AKT1S1: variants seen among roughly 807,000 people sequenced by gnomAD.
The protein encoded by AKT1S1 is AKT1 substrate 1, also known as proline-rich AKT1 substrate 1.
In AKT1S1, 17 loss-of-function variants were observed where a neutral mutation model predicts 21.2. The ratio of observed to expected loss-of-function variants is 0.80; its 90% CI spans 0.55 to 1.20. The LOEUF (loss-of-function observed/expected upper bound fraction) is 1.20, where lower values mean the gene tolerates loss of function less well. AKT1S1 is among the 50% of genes most tolerant of loss of function. The probability of loss-of-function intolerance (pLI) is 0.00; values close to 1 mark genes in which losing one functional copy is unlikely to be tolerated. For missense variants in AKT1S1, 366 were observed against 368.3 expected (o/e 0.99, Z 0.05); for synonymous variants, 181 against 165.6 (o/e 1.09, Z -0.72).
chr19:49,869,533 G>A lies in AKT1S1; in HGVS notation c.*384C>T. Reference sequence around the variant, plus strand: ...TGGTCAAGCCCTTTACAGGATTTGAGCCAATCAAAAAAAGAGCTGTCCAGC... The same window carrying A: ...TGGTCAAGCCCTTTACAGGATTTGAACCAATCAAAAAAAGAGCTGTCCAGC... On this transcript the variant is annotated 3_prime_UTR_variant, in exon 5 of 5. Coordinates refer to ENST00000344175, the MANE Select transcript of AKT1S1 (RefSeq NM_001098633.4). The A allele has an allele frequency of 5.8e-6, 1 of 171,154 alleles. No homozygotes were observed. 10.6% of individuals were successfully genotyped at this position (171,154 alleles called of 1,614,324 possible).
intron 1 of AKT1S1, chr19:49,875,989 C>A (rs1004314403): frequency 1.0e-6 from 1 of 985,350 alleles, no homozygotes; most frequent in Middle Eastern, 5.2e-4. Context: ...GAAAGTGAGA[C>A]GTGTTCCCCA....
At chr19:49,877,817 AGGCCTTGGCTCTCGAGAATCCGGCAC>A, upstream of AKT1S1, 2 of 1,506,150 alleles carry the variant, frequency 1.3e-6, no homozygotes, top group South Asian at 2.4e-5. Context: ...CTCTTCTCTC[AGGCCTTGGCTCTCGAGAATCCGGCAC>A]GGCCTTGGCA....
chr19:49,876,328 C>T (rs1296617271), intron 1 of AKT1S1: 17 of 1,212,470 alleles, frequency 1.4e-5, no homozygotes, highest in African/African-American at 1.6e-5. Flanking sequence ...CAAACCATCC[C>T]CCGACCCCGT....
chr19:49,872,647 G>A (rs2074896848), intron 2 of AKT1S1, among the ~76,000 whole-genome samples: 1 of 152,156 alleles, frequency 6.6e-6, no homozygotes, highest in Non-Finnish European at 1.5e-5. Flanking sequence ...TAGACCGGGA[G>A]CCCCTTGAGA....
At chr19:49,877,828 C>G (rs2074969123), upstream of AKT1S1, 1 of 1,468,272 alleles carries the variant, frequency 6.8e-7, no homozygotes. Flanking sequence ...GGCCTTGGCT[C>G]TCGAGAATCC....
rs535734926 is a variant in AKT1S1 at position 49,870,845 on chromosome 19, G to C, written c.627+702C>G. 3.3e-5 allele frequency among the ~76,000 whole-genome samples: 5 copies of C among 152,308 alleles called. No homozygotes were observed. The East Asian group carries it at 9.6e-4, about 29-fold the overall frequency. ...CCCGCCCGCACCAGGCCCTGTTCCTGGTCTTCAGTGCTCACTGCTTCATTG... is the reference window on the plus strand; with the variant it reads ...CCCGCCCGCACCAGGCCCTGTTCCTCGTCTTCAGTGCTCACTGCTTCATTG... On this transcript the variant is annotated intron_variant, in intron 4 of 4. Coordinates refer to ENST00000344175, the MANE Select transcript of AKT1S1 (RefSeq NM_001098633.4).
chr19:49,874,064 G>C (rs1423122352), intron 1 of AKT1S1: 1 of 152,356 alleles, frequency 6.6e-6, no homozygotes, highest in African/African-American at 2.4e-5. Context: ...CCAGCTCCTG[G>C]GCCATCCTGC....
At chr19:49,870,386 G>T (rs1256996809) in intron 4 of AKT1S1, among the ~76,000 whole-genome samples, 4 of 152,182 alleles carry the variant, frequency 2.6e-5, no homozygotes, top group Non-Finnish European at 4.4e-5. Flanking sequence ...CATGTCTGAG[G>T]ATCTGGGCTG....
At chr19:49,875,984 T>C in intron 1 of AKT1S1, 1 of 985,108 alleles carries the variant, frequency 1.0e-6, no homozygotes, top group Non-Finnish European at 1.2e-6. Context: ...TAGAGGAAAG[T>C]GAGACGTGTT....
intron 4 of AKT1S1, among the ~76,000 whole-genome samples, chr19:49,871,112 G>A (rs2074878601): frequency 6.6e-6 from 1 of 152,154 alleles, no homozygotes; most frequent in Admixed American, 6.5e-5. Context: ...ACCCACCTAG[G>A]CCAGCAGAGC....
Position 49,869,765 on chromosome 19 carries a change from G to T in AKT1S1, c.*152C>A. 1.1e-6 allele frequency: 1 copy of T among 934,318 alleles called. No homozygotes were observed. Among genetic ancestry groups the T allele is most frequent in the Non-Finnish European group, 1.5e-6 (1 of 676,294 alleles). 57.9% of individuals were successfully genotyped at this position (934,318 alleles called of 1,614,324 possible). ...GCGGCAGGTCGTGGGCTGGAAGGAC[G>T]GCGGGGATTGGCAGAGGCGGGACAA... On this transcript the variant is annotated 3_prime_UTR_variant, in exon 5 of 5. Transcript: ENST00000344175.
At chr19:49,872,643 G>A (rs1012616299) in intron 2 of AKT1S1, among the ~76,000 whole-genome samples, 2 of 152,144 alleles carry the variant, frequency 1.3e-5, no homozygotes, top group East Asian at 1.9e-4. Flanking sequence ...TGGCTAGACC[G>A]GGAGCCCCTT....
chr19:49,877,894 A>G (rs2074970290), upstream of AKT1S1: 1 of 1,004,676 alleles, frequency 1.0e-6, no homozygotes, highest in Non-Finnish European at 1.4e-6. Flanking sequence ...CCTCCCGTCC[A>G]CCGCCCCAGG....
At position 49,871,813 on chromosome 19, in the gene AKT1S1, A is replaced by G. The variant is rs183281002; in HGVS notation, c.456T>C (p.Asp152=). 2.6e-4 allele frequency: 413 copies of G among 1,611,436 alleles called. 4 individuals carry two copies. The East Asian group carries it at 8.4e-3, about 33-fold the overall frequency. Residue 152 remains aspartate (D), a splice_region_variant and synonymous_variant, in exon 3 of 5, where the codon GAT becomes GAC. Coordinates refer to ENST00000344175, the MANE Select transcript of AKT1S1 (RefSeq NM_001098633.4). ...PFCESDPEST[D]DGSLSEETPA... ...AGGGGAACAGCCTGGGACACTCACCATCTGTACTCTCGGGGTCTGACTCAC... is the reference window on the plus strand; with the variant it reads ...AGGGGAACAGCCTGGGACACTCACCGTCTGTACTCTCGGGGTCTGACTCAC...
At chr19:49,876,634 C>A in intron 1 of AKT1S1, 2 of 1,530,766 alleles carry the variant, frequency 1.3e-6, no homozygotes. Context: ...GGCCCGGCGC[C>A]GTCACCGCCC....
At position 49,873,502 on chromosome 19, in the gene AKT1S1, C is replaced by T. The variant is rs183578189; in HGVS notation, c.-7-200G>A. On this transcript the variant is annotated intron_variant, in intron 1 of 4. Transcript: ENST00000344175. The surrounding 1 kb of genome is among the most constrained non-coding windows in gnomAD (Gnocchi z 6.9). ...TCCTCGCAGGCCCAGACCCTGGCGA[C>T]GTCCTCTGCCCCAACCCATTCCTCC... is the stretch of plus-strand genomic sequence containing the variant. The T allele has an allele frequency of 1.1e-4, 106 of 996,262 alleles. 1 individual carries two copies. In the Admixed American group the frequency reaches 3.3e-3, roughly 31 times the overall value. 61.7% of individuals were successfully genotyped at this position (996,262 alleles called of 1,614,324 possible).
chr19:49,877,621 C>A, upstream of AKT1S1: 1 of 1,352,732 alleles, frequency 7.4e-7, no homozygotes, highest in Non-Finnish European at 1.0e-6. Context: ...CGGGTCGGGC[C>A]GCTACCACTG....
intron 4 of AKT1S1, among the ~76,000 whole-genome samples, chr19:49,870,938 G>C (rs539088021): frequency 6.6e-6 from 1 of 152,078 alleles, no homozygotes; most frequent in African/African-American, 2.4e-5. Flanking sequence ...TGAGGCTTGA[G>C]GGGGGGACTG....
intron 4 of AKT1S1, 58 bp from the exon 5 acceptor site, chr19:49,870,118 C>T: frequency 1.4e-6 from 2 of 1,431,192 alleles, no homozygotes; most frequent in Non-Finnish European, 1.8e-6. Context: ...CCTGCACCCA[C>T]ACGCGGTCCA....
Sources: allele counts gnomAD v4.1 joint callset (sites outside exome capture counted in the v4.1 genomes callset), GRCh38; gene constraint gnomAD v4.1.1; non-coding constraint Gnocchi (gnomAD v3.1); transcripts MANE v1.5; gene names NCBI Gene and HGNC (gene_info 2026-07-23, HGNC 2026-07-21).